Variants in TSHZ1 observed in about 807,000 individuals in gnomAD.
TSHZ1 encodes the protein teashirt homolog 1.
Under a neutral mutation model 67.1 loss-of-function variants are expected in TSHZ1, and 12 were observed. That is an observed-to-expected ratio of 0.18 (90% CI 0.11 to 0.29). The LOEUF (loss-of-function observed/expected upper bound fraction) is 0.29. Among genes scored for constraint, TSHZ1 ranks in the 10% least tolerant of loss-of-function variants. The pLI is 1.00. For synonymous variants in TSHZ1, 632 were observed against 622.4 expected, an observed-to-expected ratio of 1.02 and a Z score of -0.23; for missense variants, 1,305 against 1,413.9, an observed-to-expected ratio of 0.92 and a Z score of 1.23.
At chr18:75,246,605 A>G (rs540029267) in intron 1 of TSHZ1, among the ~76,000 whole-genome samples, 6 of 152,170 alleles carry the variant, frequency 3.9e-5, no homozygotes, top group Non-Finnish European at 8.8e-5. Context: ...GTATTATCCA[A>G]GAATACTAAG....
chr18:75,246,403 G>GGTTGTGTGTGT (rs1555727132), intron 1 of TSHZ1, among the ~76,000 whole-genome samples: 1 of 108,372 alleles, frequency 9.2e-6, no homozygotes, highest in Admixed American at 1.0e-4. Flanking sequence ...TTTGGTTTCT[G>GGTTGTGTGTGT]GTGTGTGTGT....
intron 1 of TSHZ1, among the ~76,000 whole-genome samples, chr18:75,270,062 G>A (rs1300568033): frequency 2.0e-5 from 3 of 152,226 alleles, no homozygotes; most frequent in South Asian, 2.1e-4. Context: ...AGCCTATTCC[G>A]AAATTGGAAT....
intron 1 of TSHZ1, among the ~76,000 whole-genome samples, chr18:75,228,993 C>G (rs950343576): frequency 6.6e-6 from 1 of 152,254 alleles, no homozygotes; most frequent in Admixed American, 6.5e-5. Context: ...TTATTTGTTG[C>G]TAATGTTGTT....
intron 1 of TSHZ1, among the ~76,000 whole-genome samples, chr18:75,271,153 G>C (rs972474702): frequency 6.6e-6 from 1 of 152,192 alleles, no homozygotes; most frequent in Non-Finnish European, 1.5e-5. Flanking sequence ...TGGTTGCAGC[G>C]TGGACTCAGG....
chr18:75,262,509 C>T (rs1480899784), intron 1 of TSHZ1, among the ~76,000 whole-genome samples: 1 of 152,162 alleles, frequency 6.6e-6, no homozygotes, highest in African/African-American at 2.4e-5. Flanking sequence ...GAATGTAAAT[C>T]GTCAATTGGC....
intron 1 of TSHZ1, among the ~76,000 whole-genome samples, chr18:75,249,273 T>C (rs2023262721): frequency 6.6e-6 from 1 of 152,274 alleles, no homozygotes; most frequent in Admixed American, 6.5e-5. Flanking sequence ...TTGAGAGCCC[T>C]GGGTGCCTCG....
At chr18:75,224,329 C>G (rs1184280288) in intron 1 of TSHZ1, among the ~76,000 whole-genome samples, 1 of 152,110 alleles carries the variant, frequency 6.6e-6, no homozygotes, top group Non-Finnish European at 1.5e-5. Context: ...AATTTCGCAT[C>G]GTGAAACCCA....
intron 1 of TSHZ1, among the ~76,000 whole-genome samples, chr18:75,264,363 A>G (rs930719850): frequency 1.3e-5 from 2 of 152,236 alleles, no homozygotes; most frequent in Non-Finnish European, 2.9e-5. Flanking sequence ...TTCTATCAAA[A>G]TAATTACTTT....
At chr18:75,229,183 G>A (rs561975171) in intron 1 of TSHZ1, among the ~76,000 whole-genome samples, 117 of 152,350 alleles carry the variant, frequency 7.7e-4, no homozygotes, top group South Asian at 1.4e-3. Flanking sequence ...GGTGCCACCC[G>A]ACCTGCCGGC....
chr18:75,243,036 G>A (rs375827675), intron 1 of TSHZ1, among the ~76,000 whole-genome samples: 10 of 152,316 alleles, frequency 6.6e-5, no homozygotes, highest in South Asian at 4.1e-4. Context: ...GGATGGGGCC[G>A]GTGAGGTCTG....
chr18:75,233,639 G>A (rs2023027924), intron 1 of TSHZ1, among the ~76,000 whole-genome samples: 1 of 152,174 alleles, frequency 6.6e-6, no homozygotes, highest in African/African-American at 2.4e-5. Context: ...ATCTGCAAGT[G>A]CTCATAGCTT....
intron 1 of TSHZ1, among the ~76,000 whole-genome samples, chr18:75,279,104 G>A (rs538711527): frequency 3.1e-4 from 47 of 152,160 alleles, no homozygotes; most frequent in Middle Eastern, 3.2e-3. Flanking sequence ...TGGTGAGGAT[G>A]TGCTTTATTC....
intron 1 of TSHZ1, among the ~76,000 whole-genome samples, chr18:75,227,158 C>CCAG (rs1015087240): frequency 3.3e-5 from 5 of 152,134 alleles, no homozygotes; most frequent in African/African-American, 1.2e-4. Flanking sequence ...GCATAAAGAA[C>CCAG]CAGCAGCAAA....
intron 1 of TSHZ1, among the ~76,000 whole-genome samples, chr18:75,237,736 C>G (rs1045315101): frequency 1.3e-5 from 2 of 152,100 alleles, no homozygotes; most frequent in Non-Finnish European, 1.5e-5. Flanking sequence ...AGTCCTCATT[C>G]TGAATAACTC....
At chr18:75,282,436 A>G (rs139511402) in intron 1 of TSHZ1, among the ~76,000 whole-genome samples, 177 of 152,272 alleles carry the variant, frequency 1.2e-3, no homozygotes, top group African/African-American at 4.0e-3. Context: ...TTCAGTGTTG[A>G]GAGGAAAGCC....
At chr18:75,231,644 C>T (rs1356532990) in intron 1 of TSHZ1, among the ~76,000 whole-genome samples, 5 of 150,920 alleles carry the variant, frequency 3.3e-5, no homozygotes, top group Admixed American at 2.6e-4. Flanking sequence ...AAGCGATTCT[C>T]CTGCCTCAGC....
chr18:75,239,910 C>T (rs2023131661), intron 1 of TSHZ1, among the ~76,000 whole-genome samples: 2 of 152,224 alleles, frequency 1.3e-5, no homozygotes, highest in South Asian at 2.1e-4. Flanking sequence ...GGGGGCAGCC[C>T]AGCATGCTTC....
At chr18:75,256,021 A>G (rs758810998) in intron 1 of TSHZ1, among the ~76,000 whole-genome samples, 4 of 152,240 alleles carry the variant, frequency 2.6e-5, no homozygotes, top group Non-Finnish European at 4.4e-5. Flanking sequence ...AAGAATGATA[A>G]CACTTTAATG....
chr18:75,259,520 T>C (rs1023057851), intron 1 of TSHZ1, among the ~76,000 whole-genome samples: 2 of 152,186 alleles, frequency 1.3e-5, no homozygotes, highest in Admixed American at 6.5e-5. Flanking sequence ...CTTGCCCCGG[T>C]TAGTCACTTA....
Sources: gnomAD v4.1 joint callset for allele counts (sites outside exome capture counted in the v4.1 genomes callset) on GRCh38, gnomAD v4.1.1 for gene constraint, MANE v1.5 for transcripts, NCBI Gene and HGNC (gene_info 2026-07-23, HGNC 2026-07-21) for gene names.